ACVR1C: variants seen among roughly 807,000 people sequenced by gnomAD.
ACVR1C encodes activin receptor type-1C.
A neutral mutation model predicts 57.9 loss-of-function variants in ACVR1C; 23 were observed. The ratio of observed to expected loss-of-function variants is 0.40; its 90% CI spans 0.29 to 0.56. ACVR1C has a LOEUF of 0.56. Ranked by LOEUF, ACVR1C falls within the 20% of genes least tolerant of loss-of-function variation. The pLI is 0.50. For missense variants in ACVR1C, 480 were observed against 607.9 expected (o/e 0.79, Z 2.21); for synonymous variants, 214 against 215.3 (o/e 0.99, Z 0.05).
At chr2:157,587,559 A>G (rs1688956151) in intron 1 of ACVR1C, 142 bp from the exon 2 acceptor site, 2 of 620,476 alleles carry the variant, frequency 3.2e-6, no homozygotes. Context: ...CATGCTAAGC[A>G]ATTACTCCCT....
intron 3 of ACVR1C, among the ~76,000 whole-genome samples, chr2:157,551,021 C>T (rs1266130995): frequency 6.6e-6 from 1 of 152,096 alleles, no homozygotes; most frequent in Non-Finnish European, 1.5e-5. Flanking sequence ...CTAACTCCAC[C>T]TCTAGAATTC....
intron 7 of ACVR1C, among the ~76,000 whole-genome samples, chr2:157,538,987 T>G (rs1687555630): frequency 1.3e-5 from 2 of 148,660 alleles, no homozygotes; most frequent in Admixed American, 1.3e-4. Flanking sequence ...TTTATAATTA[T>G]ATAATATATA....
chr2:157,614,595 T>A (rs180768850), intron 1 of ACVR1C, among the ~76,000 whole-genome samples: 6 of 152,270 alleles, frequency 3.9e-5, no homozygotes, highest in Admixed American at 2.6e-4. Flanking sequence ...GAGAGACGAG[T>A]TTGAAGACTC....
At chr2:157,573,434 T>C (rs1283406603) in intron 2 of ACVR1C, among the ~76,000 whole-genome samples, 1 of 152,238 alleles carries the variant, frequency 6.6e-6, no homozygotes, top group Non-Finnish European at 1.5e-5. Context: ...ATTAAAATAG[T>C]ATATTGAAAT....
chr2:157,565,242 T>TA (rs1292674226), intron 2 of ACVR1C, among the ~76,000 whole-genome samples: 1 of 152,140 alleles, frequency 6.6e-6, no homozygotes, highest in African/African-American at 2.4e-5. Context: ...TGCACTTTGA[T>TA]AGGAATTTGA....
At chr2:157,572,338 C>A in intron 2 of ACVR1C, among the ~76,000 whole-genome samples, 1 of 141,230 alleles carries the variant, frequency 7.1e-6, no homozygotes, top group African/African-American at 2.7e-5. Flanking sequence ...GCACAATGTG[C>A]ACATGTACCC....
chr2:157,628,579 G>A lies in ACVR1C; in HGVS notation c.66C>T (p.Leu22=), dbSNP rs1395653273. 6.2e-7 allele frequency: 1 copy of A among 1,607,538 alleles called. No individual in the cohort carries two copies. Among genetic ancestry groups the A allele is most frequent in the East Asian group, 2.2e-5 (1 of 44,682 alleles). ...ALLLLAAAAE[L]SPGLKCVCLL... is the part of the protein sequence containing the mutation. Reference sequence around the variant, plus strand: ...GAGAAACCAGCACCGTACCTGGCGAGAGCTCGGCGGCCGCTGCGAGCAGCA... The same window carrying A: ...GAGAAACCAGCACCGTACCTGGCGAAAGCTCGGCGGCCGCTGCGAGCAGCA... Residue 22 remains leucine (L), a synonymous_variant, in exon 1 of 9, where the codon CTC becomes CTT. Coordinates refer to ENST00000243349, the MANE Select transcript of ACVR1C (RefSeq NM_145259.3).
At chr2:157,627,973 G>A (rs1260917267) in intron 1 of ACVR1C, among the ~76,000 whole-genome samples, 1 of 152,144 alleles carries the variant, frequency 6.6e-6, no homozygotes, top group Non-Finnish European at 1.5e-5. Flanking sequence ...TTTTCCCCAG[G>A]AACTCTGAGT....
intron 8 of ACVR1C, among the ~76,000 whole-genome samples, chr2:157,535,906 T>A (rs1179990275): frequency 6.6e-6 from 1 of 152,204 alleles, no homozygotes; most frequent in African/African-American, 2.4e-5. Context: ...CTCCTCATTA[T>A]CCTCTAAGTT....
At chr2:157,566,145 T>A (rs1479646635) in intron 2 of ACVR1C, among the ~76,000 whole-genome samples, 1 of 152,226 alleles carries the variant, frequency 6.6e-6, no homozygotes, top group Non-Finnish European at 1.5e-5. Context: ...AGATAGTAAT[T>A]ATTCAAGAAA....
chr2:157,572,289 C>T (rs970403879), intron 2 of ACVR1C, among the ~76,000 whole-genome samples: 10 of 143,866 alleles, frequency 7.0e-5, no homozygotes, highest in Admixed American at 4.9e-4. Context: ...GTGGGTGCAG[C>T]GCACCAGCAT....
At chr2:157,604,494 T>C (rs2105142818) in intron 1 of ACVR1C, among the ~76,000 whole-genome samples, 2 of 152,116 alleles carry the variant, frequency 1.3e-5, no homozygotes, top group Middle Eastern at 6.8e-3. Context: ...GGACATTTGG[T>C]TTTTTCCCAT....
At chr2:157,590,986 G>T (rs1270694142) in intron 1 of ACVR1C, among the ~76,000 whole-genome samples, 1 of 151,854 alleles carries the variant, frequency 6.6e-6, no homozygotes, top group Non-Finnish European at 1.5e-5. Flanking sequence ...CCTATATAAA[G>T]CCCTTAGACC....
At chr2:157,616,662 G>A (rs1425839537) in intron 1 of ACVR1C, among the ~76,000 whole-genome samples, 1 of 151,948 alleles carries the variant, frequency 6.6e-6, no homozygotes, top group Non-Finnish European at 1.5e-5. Flanking sequence ...ACTATTACAA[G>A]GTCTTTATAC....
Position 157,628,780 on chromosome 2 carries a change from G to T in ACVR1C, c.-136C>A. On this transcript the variant is annotated 5_prime_UTR_variant, in exon 1 of 9. Coordinates refer to ENST00000243349, the MANE Select transcript of ACVR1C (RefSeq NM_145259.3). ...GACACCCTTTTGAAGTGCGCGGTTG[G>T]CTCTAGTCAGTGTGGGCGCCCCCCT... The T allele has an allele frequency of 1.4e-6, 1 of 691,550 alleles. No homozygotes were observed. Among genetic ancestry groups the T allele is most frequent in the Non-Finnish European group, 2.2e-6 (1 of 456,160 alleles). The allele number at this position is 691,550 out of a possible 1,614,324, so 42.8% of individuals were successfully genotyped here. A position where few individuals can be genotyped will look rare whatever the true frequency, so the allele number is the denominator to read the frequency against.
intron 3 of ACVR1C, among the ~76,000 whole-genome samples, chr2:157,554,269 AAGGAAGGAAGGAAGAGAGAGAGAGAG>A (rs1558975128): frequency 3.1e-5 from 4 of 128,892 alleles, no homozygotes; most frequent in African/African-American, 6.8e-5. Flanking sequence ...GAAAGAAAGA[AAGGAAGGAAGGAAGAGAGAGAGAGAG>A]AGAAAGAAAG....
At chr2:157,610,204 G>A (rs1682500640) in intron 1 of ACVR1C, among the ~76,000 whole-genome samples, 1 of 151,940 alleles carries the variant, frequency 6.6e-6, no homozygotes, top group African/African-American at 2.4e-5. Flanking sequence ...TTTGTTTCCA[G>A]GTTTAGGACT....
At position 157,527,487 on chromosome 2, in the gene ACVR1C, A is replaced by C. The variant is rs998878307; in HGVS notation, c.*6431T>G. 1.3e-5 allele frequency: 2 copies of C among 152,212 alleles called. No individual in the cohort carries two copies. Among genetic ancestry groups the C allele is most frequent in the Non-Finnish European group, 2.9e-5 (2 of 68,028 alleles). The allele number at this position is 152,212 out of a possible 1,614,324, so 9.4% of individuals were successfully genotyped here. On this transcript the variant is annotated 3_prime_UTR_variant, in exon 9 of 9. Coordinates refer to ENST00000243349, the MANE Select transcript of ACVR1C (RefSeq NM_145259.3). ...GGTATAAGAAGAGTCACGCTACCAA[A>C]AGAAAAGTATAATTAGTATTAGTAC...
chr2:157,600,898 AC>A (rs1682263543), intron 1 of ACVR1C, among the ~76,000 whole-genome samples: 1 of 152,132 alleles, frequency 6.6e-6, no homozygotes, highest in Non-Finnish European at 1.5e-5. Flanking sequence ...CGCATCACCT[AC>A]CCCTCCCTTC....
Sources: gnomAD v4.1 joint callset for allele counts (sites outside exome capture counted in the v4.1 genomes callset) on GRCh38, gnomAD v4.1.1 for gene constraint, MANE v1.5 for transcripts, NCBI Gene and HGNC (gene_info 2026-07-23, HGNC 2026-07-21) for gene names.